PAK4: variants seen among roughly 807,000 people sequenced by gnomAD.
PAK4 encodes serine/threonine-protein kinase PAK 4.
A neutral mutation model predicts 53.5 loss-of-function variants in PAK4; 49 were observed. That is an observed-to-expected ratio of 0.92 (90% CI 0.73 to 1.16). The LOEUF (loss-of-function observed/expected upper bound fraction) is 1.16, where lower values mean the gene tolerates loss of function less well. Ranked by LOEUF, PAK4 falls within the 50% of genes most tolerant of loss-of-function variation. PAK4 has a pLI of 0.00. For missense variants in PAK4, 824 were observed against 850.7 expected (o/e 0.97, Z 0.39); for synonymous variants, 376 against 375.6 (o/e 1.00, Z -0.01).
chr19:39,137,948 G>C (rs965819822), intron 1 of PAK4, among the ~76,000 whole-genome samples: 1 of 151,052 alleles, frequency 6.6e-6, no homozygotes, highest in Non-Finnish European at 1.5e-5. Flanking sequence ...TTACAGGCGG[G>C]AGCCACTGTG....
chr19:39,146,972 C>T (rs192942304), intron 1 of PAK4, among the ~76,000 whole-genome samples: 1 of 151,906 alleles, frequency 6.6e-6, no homozygotes, highest in Non-Finnish European at 1.5e-5. Flanking sequence ...GGAGGTCTGG[C>T]GCACCTTTAC....
chr19:39,176,785 G>T, intron 7 of PAK4, 70 bp downstream of exon 8: 1 of 1,563,250 alleles, frequency 6.4e-7, no homozygotes, highest in Non-Finnish European at 8.7e-7. Context: ...CTGCAGCGCT[G>T]GCGGGAGATG....
At chr19:39,133,566 G>T (rs73549583) in intron 1 of PAK4, among the ~76,000 whole-genome samples, 1 of 152,072 alleles carries the variant, frequency 6.6e-6, no homozygotes, top group Non-Finnish European at 1.5e-5. Flanking sequence ...CCTGCTACCC[G>T]GGGCTAAGCC....
At chr19:39,133,463 CTG>C (rs1195716185) in intron 1 of PAK4, among the ~76,000 whole-genome samples, 2 of 152,282 alleles carry the variant, frequency 1.3e-5, no homozygotes, top group South Asian at 2.1e-4. Context: ...AGGGAGGAGA[CTG>C]AGAGCCTGGG....
At chr19:39,139,022 A>T (rs2073866894) in intron 1 of PAK4, among the ~76,000 whole-genome samples, 1 of 152,034 alleles carries the variant, frequency 6.6e-6, no homozygotes, top group Admixed American at 6.5e-5. Context: ...ATTACAGCCG[A>T]TTCCTCCCCT....
At chr19:39,155,772 C>G (rs910494866) in intron 1 of PAK4, among the ~76,000 whole-genome samples, 3 of 152,142 alleles carry the variant, frequency 2.0e-5, no homozygotes, top group Admixed American at 2.0e-4. Flanking sequence ...GACCTCCCCT[C>G]GGGCATCAAG....
rs760479863 is a variant in PAK4 at position 39,173,236 on chromosome 19, C to A, written c.523C>A (p.Arg175=). 1.9e-6 allele frequency: 3 copies of A among 1,575,270 alleles called. No homozygotes were observed. Among genetic ancestry groups the A allele is most frequent in the African/African-American group, 1.3e-5 (1 of 74,222 alleles). The change falls in exon 3 of 9, where the codon CGG becomes AGG. Residue 175 remains arginine, a synonymous_variant. Transcript: ENST00000358301. The surrounding 1 kb of genome is among the most constrained non-coding windows in gnomAD (Gnocchi z 6.9). ...CTCAGGGGGTCCCCAGGAGTCCTCCCGGGACAAACGCCCCCTCTCCGGGCC... is the reference window on the plus strand; with the variant it reads ...CTCAGGGGGTCCCCAGGAGTCCTCCAGGGACAAACGCCCCCTCTCCGGGCC...
chr19:39,126,517 TAATG>T (rs2073585261), intron 1 of PAK4, among the ~76,000 whole-genome samples: 1 of 139,302 alleles, frequency 7.2e-6, no homozygotes, highest in Admixed American at 7.6e-5. Flanking sequence ...CCACAAATAA[TAATG>T]GCAAACACTC....
At chr19:39,156,146 A>T (rs920233040) in intron 1 of PAK4, among the ~76,000 whole-genome samples, 1 of 152,006 alleles carries the variant, frequency 6.6e-6, no homozygotes, top group African/African-American at 2.4e-5. Flanking sequence ...ATTCCTCCTC[A>T]TGGGTGAGGG....
chr19:39,135,160 C>T (rs12976130), intron 1 of PAK4: 82,696 of 151,722 alleles, frequency 0.55, 23,489 homozygotes, highest in East Asian at 0.76. Context: ...CATTTGGTAC[C>T]GTCAGACTTT....
intron 1 of PAK4, among the ~76,000 whole-genome samples, chr19:39,156,315 G>C (rs1034913956): frequency 6.6e-6 from 1 of 151,250 alleles, no homozygotes; most frequent in Non-Finnish European, 1.5e-5. Context: ...GCACCTAGTG[G>C]CCCCTGTCAC....
intron 1 of PAK4, among the ~76,000 whole-genome samples, chr19:39,143,191 C>G (rs567030152): frequency 1.3e-5 from 2 of 151,510 alleles, no homozygotes; most frequent in East Asian, 3.9e-4. Context: ...AGAGCAGAGA[C>G]TCTTGTCTTA....
chr19:39,174,874 G>T, intron 4 of PAK4, 57 bp from the exon 6 acceptor site: 1 of 1,607,026 alleles, frequency 6.2e-7, no homozygotes, highest in Non-Finnish European at 8.5e-7. Flanking sequence ...GCGGTGGCTG[G>T]GTCTGGCACT....
At chr19:39,171,615 C>T (rs916345314) in intron 2 of PAK4, among the ~76,000 whole-genome samples, 21 of 152,230 alleles carry the variant, frequency 1.4e-4, no homozygotes, top group Non-Finnish European at 8.8e-5. Context: ...GACAGGGCAG[C>T]GGCAGACCAC....
At chr19:39,156,968 G>A (rs2074194932) in intron 1 of PAK4, 1 of 152,480 alleles carries the variant, frequency 6.6e-6, no homozygotes, top group Non-Finnish European at 1.5e-5. Context: ...CACCTTTCTT[G>A]GGGTTGGAGC....
At chr19:39,158,279 G>A (rs1286693760) in intron 1 of PAK4, among the ~76,000 whole-genome samples, 2 of 151,916 alleles carry the variant, frequency 1.3e-5, no homozygotes, top group South Asian at 2.1e-4. Context: ...GGATGGCTTC[G>A]CTCGCTGCTG....
At chr19:39,169,568 G>A (rs774155649) in exon 2 of PAK4, 7 of 1,613,222 alleles carry the variant, frequency 4.3e-6, no homozygotes, top group South Asian at 1.1e-5. Flanking sequence ...TTGGGAAGAG[G>A]AAGAAGCGGG....
intron 1 of PAK4, among the ~76,000 whole-genome samples, chr19:39,131,687 T>C (rs546954976): frequency 1.8e-4 from 27 of 152,238 alleles, no homozygotes; most frequent in African/African-American, 6.3e-4. Context: ...CACTGAAGCC[T>C]CTCTCCTGGG....
intron 1 of PAK4, among the ~76,000 whole-genome samples, chr19:39,164,319 A>G (rs1271807029): frequency 1.3e-5 from 2 of 151,802 alleles, no homozygotes; most frequent in East Asian, 3.9e-4. Flanking sequence ...CACACACACA[A>G]GCACGCCATA....
Sources: gnomAD v4.1 joint callset for allele counts (sites outside exome capture counted in the v4.1 genomes callset) on GRCh38, gnomAD v4.1.1 for gene constraint, Gnocchi (gnomAD v3.1) non-coding constraint, MANE v1.5 for transcripts, NCBI Gene and HGNC (gene_info 2026-07-23, HGNC 2026-07-21) for gene names.